The following RASGEF1B variants were observed in gnomAD, a reference collection of about 807,000 sequenced individuals.
RASGEF1B encodes ras-GEF domain-containing family member 1B.
Under a neutral mutation model 65.7 loss-of-function variants are expected in RASGEF1B, and 30 were observed. The ratio of observed to expected loss-of-function variants is 0.46; its 90% CI spans 0.34 to 0.62. RASGEF1B has a LOEUF of 0.62. RASGEF1B is among the 20% of genes least tolerant of loss of function. RASGEF1B has a pLI of 0.01. For missense variants in RASGEF1B, 495 were observed against 580.1 expected, an observed-to-expected ratio of 0.85 and a Z score of 1.51; for synonymous variants, 175 against 194.8, an observed-to-expected ratio of 0.90 and a Z score of 0.85.
At chr4:81,449,243 G>A (rs1412411239) in intron 4 of RASGEF1B, among the ~76,000 whole-genome samples, 2 of 152,052 alleles carry the variant, frequency 1.3e-5, no homozygotes, top group Non-Finnish European at 1.5e-5. Context: ...TAATGTTCAC[G>A]ACCAAACTCT....
chr4:81,432,983 G>A (rs1372065901), intron 12 of RASGEF1B, among the ~76,000 whole-genome samples: 1 of 151,434 alleles, frequency 6.6e-6, no homozygotes, highest in Non-Finnish European at 1.5e-5. Context: ...TTGAGAGGCT[G>A]TGGGCAGATC....
chr4:81,445,839 C>T lies in RASGEF1B; in HGVS notation c.730-1G>A. 1 of 1,611,538 alleles carries T rather than the reference C, an allele frequency of 6.2e-7. No homozygotes were observed. Among genetic ancestry groups the T allele is most frequent in the Non-Finnish European group, 8.5e-7 (1 of 1,177,966 alleles). On this transcript the variant is annotated splice_acceptor_variant, in intron 6 of 13. Coordinates refer to ENST00000264400, the MANE Select transcript of RASGEF1B (RefSeq NM_152545.3). LOFTEE classifies it high-confidence loss of function. ...TTTTCTTCCGTTCACTGTAGCAACT[C>T]TTTAGAGAAAACAAAGTAAACAGAT...
Position 81,448,400 on chromosome 4 carries a change from T to C in RASGEF1B, c.439-116A>G, listed in dbSNP as rs548762364. 7.1e-5 allele frequency: 60 copies of C among 839,436 alleles called. No individual in the cohort carries two copies. The African/African-American group carries it at 1.0e-3, about 14-fold the overall frequency. The allele number at this position is 839,436 out of a possible 1,614,324, so 52.0% of individuals were successfully genotyped here. On this transcript the variant is annotated intron_variant, in intron 4 of 13. Coordinates refer to ENST00000264400, the MANE Select transcript of RASGEF1B (RefSeq NM_152545.3). ...CCTGGACATTGGAGAATAAACTTGG[T>C]TAAGGGCAGTTACGGGAAGATTCAG...
chr4:81,448,843 C>T (rs1194569188), intron 4 of RASGEF1B, among the ~76,000 whole-genome samples: 2 of 152,090 alleles, frequency 1.3e-5, no homozygotes, highest in African/African-American at 4.8e-5. Flanking sequence ...GAGATGGAGT[C>T]TCATTCTGTT....
At chr4:81,453,817 G>C (rs1722350854) in intron 4 of RASGEF1B, 13 of 152,224 alleles carry the variant, frequency 8.5e-5, no homozygotes, top group Admixed American at 8.5e-4. Flanking sequence ...ACACAAGGCA[G>C]TTACTTCTGT....
chr4:81,452,124 T>C (rs369601338), intron 4 of RASGEF1B: 1 of 152,520 alleles, frequency 6.6e-6, no homozygotes, highest in African/African-American at 2.4e-5. Flanking sequence ...AATTCTTTTT[T>C]CTTGAGGCGG....
intron 12 of RASGEF1B, among the ~76,000 whole-genome samples, chr4:81,433,245 G>A (rs1419022312): frequency 2.0e-5 from 3 of 146,962 alleles, no homozygotes; most frequent in East Asian, 2.0e-4. Flanking sequence ...AAAAAAAAAA[G>A]TCATTATTGT....
chr4:81,466,822 G>GAAAGAAAGAAAGA (rs1722851897), intron 1 of RASGEF1B, among the ~76,000 whole-genome samples: 1 of 140,432 alleles, frequency 7.1e-6, no homozygotes, highest in Non-Finnish European at 1.5e-5. Context: ...AAGAAAGAAA[G>GAAAGAAAGAAAGA]AAAATTTCCA....
intron 1 of RASGEF1B, among the ~76,000 whole-genome samples, chr4:81,467,789 T>C (rs1398289481): frequency 6.6e-6 from 1 of 152,196 alleles, no homozygotes; most frequent in Admixed American, 6.5e-5. Flanking sequence ...ATGCCTTACA[T>C]TGTAGGTGCT....
chr4:81,466,586 T>C (rs1048087600), intron 1 of RASGEF1B, among the ~76,000 whole-genome samples: 24 of 151,754 alleles, frequency 1.6e-4, no homozygotes, highest in South Asian at 4.2e-4. Flanking sequence ...GGTAAAACCC[T>C]GTCTCTACTA....
In RASGEF1B at chr4:81,432,364, G is replaced by A. The variant is rs1721460202; in HGVS notation, c.1332C>T (p.Tyr444=). Residue 444 remains tyrosine (Y), a synonymous_variant, in exon 13 of 14, where the codon TAC becomes TAT. Coordinates refer to ENST00000264400, the MANE Select transcript of RASGEF1B (RefSeq NM_152545.3). ...GTCCTTCACTCTCATAAGAAGCCAA[G>A]TAGAGAGCTACAATCAAACAAAAGA... ...TVPVFSEDAL[Y]LASYESEGPE... is the part of the protein sequence containing the mutation. 4.4e-6 allele frequency: 7 copies of A among 1,603,968 alleles called. No individual in the cohort carries two copies. The highest frequency in any genetic ancestry group is 2.2e-5 in the East Asian group (1 of 44,794).
intron 9 of RASGEF1B, 45 bp downstream of exon 9, chr4:81,442,252 C>A: frequency 8.0e-7 from 1 of 1,245,318 alleles, no homozygotes; most frequent in East Asian, 2.3e-5. Flanking sequence ...TTCCACTTTC[C>A]AGGTGTAAAG....
chr4:81,457,626 A>G lies in RASGEF1B; in HGVS notation c.178-5T>C. On this transcript the variant is annotated splice_polypyrimidine_tract_variant and splice_region_variant and intron_variant, in intron 2 of 13. Coordinates refer to ENST00000264400, the MANE Select transcript of RASGEF1B (RefSeq NM_152545.3). ...GAAGGTAAATATGTATGTTCTCTGC[A>G]GCAACAGAAAAAAGTCATCATCGTT... 5 of 1,612,862 alleles carry G rather than the reference A, an allele frequency of 3.1e-6. No individual in the cohort carries two copies. The highest frequency in any genetic ancestry group is 4.2e-6 in the Non-Finnish European group (5 of 1,179,636).
intron 1 of RASGEF1B, among the ~76,000 whole-genome samples, chr4:81,460,950 T>G (rs28464436): frequency 0.44 from 66,358 of 151,966 alleles, 16,956 homozygotes; most frequent in African/African-American, 0.72. Context: ...TGGCCCCATG[T>G]CTCTCCTTTA....
At chr4:81,430,891 C>A (rs1049727762) in intron 13 of RASGEF1B, among the ~76,000 whole-genome samples, 2 of 152,062 alleles carry the variant, frequency 1.3e-5, no homozygotes, top group Admixed American at 1.3e-4. Flanking sequence ...ACAGGTAATG[C>A]AGATACCAGA....
At chr4:81,447,759 TCAATGTTCCA>T (rs994555614) in intron 5 of RASGEF1B, among the ~76,000 whole-genome samples, 181 bp from the exon 6 acceptor site, 1 of 152,142 alleles carries the variant, frequency 6.6e-6, no homozygotes, top group Non-Finnish European at 1.5e-5. Context: ...TCTGCTTGGG[TCAATGTTCCA>T]CAAGATAGTG....
chr4:81,426,693 A>C lies in RASGEF1B; in HGVS notation c.*1075T>G, dbSNP rs1721232441. 6.6e-6 allele frequency: 1 copy of C among 152,230 alleles called. No individual in the cohort carries two copies. The highest frequency in any genetic ancestry group is 2.1e-4 in the South Asian group (1 of 4,834). 9.4% of individuals were successfully genotyped at this position (152,230 alleles called of 1,614,324 possible). ...CAATTAGATCAACCATTGAGTTAAC[A>C]GCAAGGTGTTTTTCATCTGTTTTGT... On this transcript the variant is annotated 3_prime_UTR_variant, in exon 14 of 14. Transcript: ENST00000264400.
rs1260100821 is a variant in RASGEF1B, at chr4:81,448,168, G to T, written c.555C>A (p.Leu185=). 1.9e-6 allele frequency: 3 copies of T among 1,614,010 alleles called. No homozygotes were observed. The highest frequency in any genetic ancestry group is 2.5e-6 in the Non-Finnish European group (3 of 1,180,020). Residue 185 remains leucine (L), a synonymous_variant, in exon 5 of 14, where the codon CTC becomes CTA. Transcript: ENST00000264400. The part of the protein sequence containing the change: ...AKISSTSTDR[L]TVLKTKPQSI... ...ACTGTGGCTTGGTCTTGAGAACTGT[G>T]AGCCGATCTGTGGATGTGGAGCTGA...
chr4:81,430,750 T>G (rs780305676), intron 13 of RASGEF1B, among the ~76,000 whole-genome samples: 38 of 152,368 alleles, frequency 2.5e-4, no homozygotes, highest in Non-Finnish European at 4.6e-4. Context: ...GTTCAATCTT[T>G]AGCTTTTAAA....
Sources: allele counts gnomAD v4.1 joint callset (sites outside exome capture counted in the v4.1 genomes callset), GRCh38; gene constraint gnomAD v4.1.1; transcripts MANE v1.5; gene names NCBI Gene and HGNC (gene_info 2026-07-23, HGNC 2026-07-21).